Variants in CST1 observed in about 807,000 individuals in gnomAD.
CST1 encodes cystatin SN, also known as cystatin-SN.
In CST1, 19 loss-of-function variants were observed where a neutral mutation model predicts 10.7. The ratio of observed to expected loss-of-function variants is 1.78; its 90% confidence interval spans 1.24 to 2.61. The LOEUF is 2.61. Ranked by LOEUF, CST1 falls within the 30% of genes most tolerant of loss-of-function variation. CST1 has a pLI of 0.00. For synonymous variants in CST1, 95 were observed against 72.8 expected (o/e 1.31, Z -1.55); for missense variants, 247 against 178.1 (o/e 1.39, Z -2.20).
rs188356246 is a variant in CST1, at chr20:23,747,795, C to G, written c.*21G>C. On this transcript the variant is annotated 3_prime_UTR_variant, in exon 3 of 3. Coordinates refer to ENST00000304749, the MANE Select transcript of CST1 (RefSeq NM_001898.3). ...GGGTGGGAGTGGGTGGTGGCTGGTG[C>G]GAATGGCCTGGCACAGATCCCTAGG... 4 of 1,610,718 alleles carry G rather than the reference C, an allele frequency of 2.5e-6. No individual in the cohort carries two copies. Among genetic ancestry groups the G allele is most frequent in the South Asian group, 2.2e-5 (2 of 90,912 alleles).
Position 23,747,809 on chromosome 20 carries a change from C to G in CST1, c.*7G>C, listed in dbSNP as rs1249047485. On this transcript the variant is annotated 3_prime_UTR_variant, in exon 3 of 3. Transcript: ENST00000304749. ...GGTGGCTGGTGCGAATGGCCTGGCA[C>G]AGATCCCTAGGATTCTTGACACCTG... 6.2e-7 allele frequency: 1 copy of G among 1,613,528 alleles called. No homozygotes were observed. Among genetic ancestry groups the G allele is most frequent in the Non-Finnish European group, 8.5e-7 (1 of 1,179,508 alleles).
At chr20:23,748,676 A>G (rs1220805840) in intron 2 of CST1, among the ~76,000 whole-genome samples, 1 of 152,108 alleles carries the variant, frequency 6.6e-6, no homozygotes, top group African/African-American at 2.4e-5. Context: ...CCATCTGCAC[A>G]TACATGGACA....
intron 1 of CST1, among the ~76,000 whole-genome samples, chr20:23,750,144 A>C (rs1433715510): frequency 2.0e-5 from 3 of 151,984 alleles, no homozygotes; most frequent in African/African-American, 4.8e-5. Flanking sequence ...GCTCCACCCC[A>C]GCAGGGACTC....
In CST1 at chr20:23,749,029, G is replaced by C. The variant is rs552250628; in HGVS notation, c.329C>G (p.Pro110Arg). 2 of 1,614,160 alleles carry C rather than the reference G, an allele frequency of 1.2e-6. No homozygotes were observed. The highest frequency in any genetic ancestry group is 2.7e-5 in the African/African-American group (2 of 75,030). ...TCAGGAACGTACCTTCTGCAGTTCT[G>C]GCTGTTCATGGAAGGCACAGGTGTC... ...NLDTCAFHEQ[P>R]ELQKKQLCSF... Residue 110 changes from proline to arginine, a missense_variant, in exon 2 of 3, where the codon CCA becomes CGA. Coordinates refer to ENST00000304749, the MANE Select transcript of CST1 (RefSeq NM_001898.3).
intron 2 of CST1, among the ~76,000 whole-genome samples, chr20:23,748,655 C>A (rs1417494662): frequency 1.3e-5 from 2 of 152,142 alleles, no homozygotes; most frequent in Non-Finnish European, 2.9e-5. Context: ...TCACCCTCCT[C>A]CCTCACCACC....
rs1048314 is a variant in CST1, at chr20:23,747,596, G to T, written c.*220C>A. Reference sequence around the variant, plus strand: ...ACTGTTTAATTGCAGGAGGTGGGGGGGTGTGTACCATGTACCAGGGCTATT... The same window carrying T: ...ACTGTTTAATTGCAGGAGGTGGGGGTGTGTGTACCATGTACCAGGGCTATT... On this transcript the variant is annotated 3_prime_UTR_variant, in exon 3 of 3. Transcript: ENST00000304749. 403,060 of 573,190 alleles carry T rather than the reference G, an allele frequency of 0.7. 143,533 individuals are homozygous for T. The highest frequency in any genetic ancestry group is 0.87 in the African/African-American group (46,376 of 53,408). 35.5% of individuals were successfully genotyped at this position (573,190 alleles called of 1,614,324 possible). A position where few individuals can be genotyped will look rare whatever the true frequency, so the allele number is the denominator to read the frequency against.
chr20:23,748,969 C>A, intron 2 of CST1, 47 bp downstream of exon 2: 1 of 1,608,730 alleles, frequency 6.2e-7, no homozygotes, highest in South Asian at 1.1e-5. Context: ...CACATACGCA[C>A]CCCTCTGCAG....
In CST1 at chr20:23,750,668, G is replaced by C. The variant is rs373670958; in HGVS notation, c.199C>G (p.Pro67Ala). 1.1e-5 allele frequency: 17 copies of C among 1,613,804 alleles called. 1 individual carries two copies. The highest frequency in any genetic ancestry group is 3.4e-4 in the Middle Eastern group (2 of 5,888). ...TGCCTGGCTCTTAGTACCCGCAGCG[G>C]ACGTCTGTAGTAGTCATCTTTGGTG... is the stretch of plus-strand genomic sequence containing the variant. ...KATKDDYYRR[P>A]LRVLRARQQT... The change falls in exon 1 of 3, where the codon CCG (proline) becomes GCG (alanine). Residue 67 changes from proline (P) to alanine (A), a missense_variant. Transcript: ENST00000304749.
chr20:23,748,245 C>T (rs1046977754), intron 2 of CST1, among the ~76,000 whole-genome samples: 4 of 152,084 alleles, frequency 2.6e-5, no homozygotes, highest in South Asian at 2.1e-4. Context: ...CCTCCAGCAC[C>T]CAGGCCAGCA....
Position 23,750,653 on chromosome 20 carries a change from T to G in CST1, c.214A>C (p.Arg72=). The change falls in exon 1 of 3, where the codon AGA becomes CGA. Residue 72 remains arginine (R), a synonymous_variant. Coordinates refer to ENST00000304749, the MANE Select transcript of CST1 (RefSeq NM_001898.3). ...DYYRRPLRVL[R]ARQQTVGGVN... ...GGAGCACCTACCTGTTGCCTGGCTCTTAGTACCCGCAGCGGACGTCTGTAG... is the reference window on the plus strand; with the variant it reads ...GGAGCACCTACCTGTTGCCTGGCTCGTAGTACCCGCAGCGGACGTCTGTAG... 6.2e-7 allele frequency: 1 copy of G among 1,613,854 alleles called. No individual in the cohort carries two copies. Among genetic ancestry groups the G allele is most frequent in the Non-Finnish European group, 8.5e-7 (1 of 1,180,010 alleles).
rs540721922 is a variant in CST1 at position 23,750,805 on chromosome 20, C to T, written c.62G>A (p.Trp21Ter). 5 of 1,614,106 alleles carry T rather than the reference C, an allele frequency of 3.1e-6. No homozygotes were observed. In the African/African-American group the frequency reaches 6.7e-5, roughly 22 times the overall value. Residue 21 changes from tryptophan (W) to a stop codon, truncating the protein, a stop_gained, in exon 1 of 3, where the codon TGG becomes TAG. Transcript: ENST00000304749. LOFTEE classifies it high-confidence loss of function. ...LLATLAVALA[W>*]SPKEEDRIIP... ...TATCCTATCCTCCTCCTTGGGGCTC[C>T]AGGCCAGGGCCACAGCTAGGGTGGC...
At chr20:23,749,812 A>G (rs1181118837) in intron 1 of CST1, among the ~76,000 whole-genome samples, 1 of 150,486 alleles carries the variant, frequency 6.6e-6, no homozygotes, top group African/African-American at 2.5e-5. Flanking sequence ...AGTTACTGTC[A>G]TGCTTGAAAG....
intron 1 of CST1, among the ~76,000 whole-genome samples, chr20:23,750,218 C>T (rs1982791713): frequency 6.6e-6 from 1 of 152,266 alleles, no homozygotes; most frequent in East Asian, 1.9e-4. Flanking sequence ...CCATAAGGGG[C>T]TGTGCCCAGG....
chr20:23,748,616 C>G (rs960809134), intron 2 of CST1, among the ~76,000 whole-genome samples: 17 of 152,134 alleles, frequency 1.1e-4, no homozygotes, highest in East Asian at 3.9e-4. Flanking sequence ...CCATTCCCAA[C>G]CTAAAGCCTT....
At position 23,748,510 on chromosome 20, in the gene CST1, A is replaced by G. The variant is rs566857785; in HGVS notation, c.342+506T>C. On this transcript the variant is annotated intron_variant, in intron 2 of 2. Transcript: ENST00000304749. Reference sequence around the variant, plus strand: ...CAGGTGCCTGAGGCTGGGATTAGACAGAGCCCCTTCTCCCTGCCCAGCACA... The same window carrying G: ...CAGGTGCCTGAGGCTGGGATTAGACGGAGCCCCTTCTCCCTGCCCAGCACA... Among the ~76,000 whole-genome samples, 10 of 152,230 alleles carry G rather than the reference A, an allele frequency of 6.6e-5. No individual in the cohort carries two copies. The East Asian group carries it at 1.5e-3, about 24-fold the overall frequency.
chr20:23,750,859 T>C lies in CST1; in HGVS notation c.8A>G (p.Gln3Arg), dbSNP rs776620783. Residue 3 changes from glutamine to arginine, a missense_variant, in exon 1 of 3, where the codon CAG becomes CGG. Coordinates refer to ENST00000304749, the MANE Select transcript of CST1 (RefSeq NM_001898.3). MA[Q>R]YLSTLLLLLA... ...CAGGAGCAGCAGGGTACTCAGATACTGGGCCATGGTCTCCTCAGAGGCAGA... is the reference window on the plus strand; with the variant it reads ...CAGGAGCAGCAGGGTACTCAGATACCGGGCCATGGTCTCCTCAGAGGCAGA... 613 of 1,607,808 alleles carry C rather than the reference T, an allele frequency of 3.8e-4. 1 individual carries two copies. Among genetic ancestry groups the C allele is most frequent in the Middle Eastern group, 3.3e-3 (20 of 5,984 alleles).
In CST1 at chr20:23,748,876, A is replaced by T. The variant is rs560184964; in HGVS notation, c.342+140T>A. ...CACACCCCCCCATAAGTACATGAAC[A>T]CGTACACATCCATGCATACACGGCT... On this transcript the variant is annotated intron_variant, in intron 2 of 2. Coordinates refer to ENST00000304749, the MANE Select transcript of CST1 (RefSeq NM_001898.3). The T allele has an allele frequency of 1.4e-5, 9 of 653,702 alleles. No individual in the cohort carries two copies. The East Asian group carries it at 2.4e-4, about 18-fold the overall frequency. The allele number at this position is 653,702 out of a possible 1,614,324, so 40.5% of individuals were successfully genotyped here.
rs774529465 is a variant in CST1 at position 23,747,882 on chromosome 20, G to A, written c.360C>T (p.Phe120=). ...TCTCCCAGGGAACTTCGTAGATCTC[G>A]AAAGAGCACAACTGTTTCTGTGAAA... ...PELQKKQLCS[F]EIYEVPWENR... is the part of the protein sequence containing the mutation. The change falls in exon 3 of 3, where the codon TTC becomes TTT. Residue 120 remains phenylalanine, a synonymous_variant. Coordinates refer to ENST00000304749, the MANE Select transcript of CST1 (RefSeq NM_001898.3). 1.1e-5 allele frequency: 18 copies of A among 1,613,852 alleles called. No individual in the cohort carries two copies. The highest frequency in any genetic ancestry group is 3.3e-5 in the Admixed American group (2 of 60,004).
rs1425461805 is a variant in CST1 at position 23,747,713 on chromosome 20, A to C, written c.*103T>G. The C allele has an allele frequency of 7.4e-6, 8 of 1,084,686 alleles. No individual in the cohort carries two copies. The highest frequency in any genetic ancestry group is 1.1e-5 in the Non-Finnish European group (8 of 731,774). 67.2% of individuals were successfully genotyped at this position (1,084,686 alleles called of 1,614,324 possible). A position where few individuals can be genotyped will look rare whatever the true frequency, so the allele number is the denominator to read the frequency against. Reference sequence around the variant, plus strand: ...TCTGTCTGTCTCTTGGCGCAGGCACATGGGGAGGCCTCCCGCAGGGTGGGG... The same window carrying C: ...TCTGTCTGTCTCTTGGCGCAGGCACCTGGGGAGGCCTCCCGCAGGGTGGGG... On this transcript the variant is annotated 3_prime_UTR_variant, in exon 3 of 3. Coordinates refer to ENST00000304749, the MANE Select transcript of CST1 (RefSeq NM_001898.3).
Sources: gnomAD v4.1 joint callset for allele counts (sites outside exome capture counted in the v4.1 genomes callset) on GRCh38, gnomAD v4.1.1 for gene constraint, MANE v1.5 for transcripts, NCBI Gene and HGNC (gene_info 2026-07-23, HGNC 2026-07-21) for gene names.